Variants in UCK2 observed in about 807,000 individuals in gnomAD.
The protein encoded by UCK2 is cytidine monophosphokinase 2.
A neutral mutation model predicts 30.8 loss-of-function variants in UCK2; 6 were observed. That is an observed-to-expected ratio of 0.19 (90% confidence interval 0.11 to 0.38). The LOEUF is 0.38. Ranked by LOEUF, UCK2 falls within the 10% of genes least tolerant of loss-of-function variation. UCK2 has a pLI of 1.00. For missense variants in UCK2, 210 were observed against 339.8 expected, an observed-to-expected ratio of 0.62 and a Z score of 3.00; for synonymous variants, 125 against 133.6, an observed-to-expected ratio of 0.94 and a Z score of 0.45.
chr1:165,903,384 C>G, intron 5 of UCK2, 105 bp downstream of exon 5: 4 of 933,738 alleles, frequency 4.3e-6, no homozygotes, highest in Non-Finnish European at 6.6e-6. Flanking sequence ...GAATCTCACT[C>G]CTCTCTCTGA....
rs1647853325 is a variant in UCK2 at position 165,911,418 on chromosome 1, G to A, written c.*3595G>A. 6.6e-6 allele frequency: 1 copy of A among 152,172 alleles called. No individual in the cohort carries two copies. The highest frequency in any genetic ancestry group is 1.5e-5 in the Non-Finnish European group (1 of 68,044). The allele number at this position is 152,172 out of a possible 1,614,324, so 9.4% of individuals were successfully genotyped here. A position where few individuals can be genotyped will look rare whatever the true frequency, so the allele number is the denominator to read the frequency against. The stretch of plus-strand genomic sequence containing the variant: ...GGCATTCCAGGTCAGCTTGGCTGTG[G>A]TCTTAGAGGCAGGGAGTGCCTACCC... On this transcript the variant is annotated 3_prime_UTR_variant, in exon 7 of 7. Coordinates refer to ENST00000367879, the MANE Select transcript of UCK2 (RefSeq NM_012474.5).
At chr1:165,862,614 G>C (rs1654943591) in intron 1 of UCK2, among the ~76,000 whole-genome samples, 1 of 152,196 alleles carries the variant, frequency 6.6e-6, no homozygotes. Context: ...GTCAGTTTTT[G>C]ACTTCCGTAT....
chr1:165,907,998 CAG>C lies in UCK2; in HGVS notation c.*177_*178del. 1.1e-6 allele frequency: 1 copy of C among 911,382 alleles called. No homozygotes were observed. The highest frequency in any genetic ancestry group is 1.6e-6 in the Non-Finnish European group (1 of 639,050). 56.5% of individuals were successfully genotyped at this position (911,382 alleles called of 1,614,324 possible). On this transcript the variant is annotated 3_prime_UTR_variant, in exon 7 of 7. Coordinates refer to ENST00000367879, the MANE Select transcript of UCK2 (RefSeq NM_012474.5). ...TGTACTTTGGAACGACAAAATGAAA[CAG>C]AACTTGACCCTGAGCTTAAATAACA...
At chr1:165,895,552 C>G (rs564037749) in intron 3 of UCK2, 101 of 985,500 alleles carry the variant, frequency 1.0e-4, no homozygotes, top group South Asian at 4.7e-4. Flanking sequence ...CTAGGGAGCT[C>G]AGGATTGACC....
chr1:165,851,902 T>A (rs933080796), intron 1 of UCK2, among the ~76,000 whole-genome samples: 2 of 152,190 alleles, frequency 1.3e-5, no homozygotes, highest in Non-Finnish European at 2.9e-5. Context: ...TTCACCCATG[T>A]CCCTGCAAAG....
chr1:165,864,261 T>C (rs1457119375), intron 1 of UCK2, among the ~76,000 whole-genome samples: 1 of 152,210 alleles, frequency 6.6e-6, no homozygotes, highest in Non-Finnish European at 1.5e-5. Flanking sequence ...TCCTGCCTTA[T>C]TTTTCAATAT....
At chr1:165,869,415 A>G (rs1170976635) in intron 1 of UCK2, among the ~76,000 whole-genome samples, 3 of 151,996 alleles carry the variant, frequency 2.0e-5, no homozygotes, top group Admixed American at 2.0e-4. Context: ...TTGAGTTTCA[A>G]CTTTAAGTTC....
intron 1 of UCK2, among the ~76,000 whole-genome samples, chr1:165,866,641 C>T (rs1298819827): frequency 6.6e-6 from 1 of 152,206 alleles, no homozygotes; most frequent in Non-Finnish European, 1.5e-5. Flanking sequence ...TCTTCTCTAA[C>T]TTAAACTCTG....
At chr1:165,895,427 G>T in intron 3 of UCK2, 3 of 974,028 alleles carry the variant, frequency 3.1e-6, no homozygotes, top group South Asian at 4.7e-5. Flanking sequence ...CCAAAAACAA[G>T]AAAAAGAAAG....
chr1:165,886,597 ATTATTC>A (rs1655619982), intron 1 of UCK2, among the ~76,000 whole-genome samples: 1 of 152,196 alleles, frequency 6.6e-6, no homozygotes, highest in Admixed American at 6.5e-5. Flanking sequence ...GCCCAGCTGA[ATTATTC>A]TTAAGGAACA....
intron 6 of UCK2, 78 bp from the exon 7 acceptor site, chr1:165,907,605 CT>C: frequency 6.5e-7 from 1 of 1,533,714 alleles, no homozygotes; most frequent in Non-Finnish European, 8.8e-7. Context: ...CCTGCATGCC[CT>C]TCCCCCAGAC....
In UCK2 at chr1:165,838,305, C is replaced by G. The variant is rs189300970; in HGVS notation, c.99+10373C>G. The stretch of plus-strand genomic sequence containing the variant: ...AGTTGGATAATTCCCTGCTCTGATA[C>G]AACCCTGCAGTGGCTTCCCATTTTA... On this transcript the variant is annotated intron_variant, in intron 1 of 6. Transcript: ENST00000367879. 3.9e-4 allele frequency among the ~76,000 whole-genome samples: 59 copies of G among 152,300 alleles called. 1 individual carries two copies. The highest frequency in any genetic ancestry group is 1.5e-3 in the Admixed American group (23 of 15,308).
At chr1:165,842,696 A>G (rs1654359722) in intron 1 of UCK2, among the ~76,000 whole-genome samples, 1 of 152,124 alleles carries the variant, frequency 6.6e-6, no homozygotes, top group Non-Finnish European at 1.5e-5. Flanking sequence ...AACATTTTCC[A>G]CATTGCTGCT....
intron 4 of UCK2, 41 bp from the exon 5 acceptor site, chr1:165,903,137 GGCTC>G (rs747202930): frequency 6.6e-7 from 1 of 1,512,672 alleles, no homozygotes; most frequent in Non-Finnish European, 9.1e-7. Flanking sequence ...GGTGTGTGCT[GGCTC>G]CTACACCGTT....
chr1:165,839,185 C>CT (rs796382942), intron 1 of UCK2, among the ~76,000 whole-genome samples: 27 of 151,960 alleles, frequency 1.8e-4, no homozygotes, highest in African/African-American at 6.3e-4. Flanking sequence ...GTAAGATATG[C>CT]TTTTTTTATT....
In UCK2 at chr1:165,907,693, A is replaced by G; in HGVS notation, c.656A>G (p.Asn219Ser). ...GGTCTCTGCCCCACAGTGGCCATCA[A>G]CCTCATCGTGCAGCACATCCAGGAC... ...PRGADNLVAI[N>S]LIVQHIQDIL... Residue 219 changes from asparagine (N) to serine (S), a missense_variant, in exon 7 of 7, where the codon AAC (asparagine) becomes AGC (serine). By Grantham distance (46) the Asn-to-Ser change is conservative (BLOSUM62 1). Transcript: ENST00000367879. 6.2e-7 allele frequency: 1 copy of G among 1,614,006 alleles called. No homozygotes were observed. The highest frequency in any genetic ancestry group is 8.5e-7 in the Non-Finnish European group (1 of 1,179,974).
chr1:165,852,581 CTG>C (rs771423914), intron 1 of UCK2, among the ~76,000 whole-genome samples: 5 of 152,170 alleles, frequency 3.3e-5, no homozygotes, highest in Admixed American at 2.6e-4. Flanking sequence ...GCTGACGAGA[CTG>C]TGGAGAAATG....
chr1:165,895,423 A>G (rs535509877), intron 3 of UCK2: 1 of 968,774 alleles, frequency 1.0e-6, no homozygotes, highest in African/African-American at 1.8e-5. Context: ...GTCTCCAAAA[A>G]CAAGAAAAAG....
intron 1 of UCK2, among the ~76,000 whole-genome samples, chr1:165,864,449 G>T (rs562740634): frequency 6.6e-6 from 1 of 152,132 alleles, no homozygotes; most frequent in Admixed American, 6.5e-5. Context: ...TGGGGTTTAG[G>T]ATTTCACCTC....
Sources: gnomAD v4.1 joint callset for allele counts (sites outside exome capture counted in the v4.1 genomes callset) on GRCh38, gnomAD v4.1.1 for gene constraint, MANE v1.5 for transcripts, NCBI Gene and HGNC (gene_info 2026-07-23, HGNC 2026-07-21) for gene names.